The following METTL15 variants were observed in gnomAD, a reference collection of about 807,000 sequenced individuals.
METTL15 encodes the protein 12S rRNA N(4)-cytidine methyltransferase METTL15.
In METTL15, 34 loss-of-function variants were observed where a neutral mutation model predicts 38.3. That is an observed-to-expected ratio of 0.89 (90% CI 0.68 to 1.18). The LOEUF (loss-of-function observed/expected upper bound fraction) is 1.18, where lower values mean the gene tolerates loss of function less well. Ranked by LOEUF, METTL15 falls within the 50% of genes most tolerant of loss-of-function variation. METTL15 has a pLI of 0.00. For synonymous variants in METTL15, 162 were observed against 170.9 expected, an observed-to-expected ratio of 0.95 and a Z score of 0.41; for missense variants, 438 against 498.4, an observed-to-expected ratio of 0.88 and a Z score of 1.15.
At chr11:28,378,920 G>GT (rs1159168602) in intron 5 of METTL15, among the ~76,000 whole-genome samples, 1 of 151,818 alleles carries the variant, frequency 6.6e-6, no homozygotes, top group Non-Finnish European at 1.5e-5. Flanking sequence ...GTTTGGTGAG[G>GT]TTTCCTCTTT....
At chr11:28,343,517 T>C (rs180937699) in intron 3 of METTL15, among the ~76,000 whole-genome samples, 4 of 152,318 alleles carry the variant, frequency 2.6e-5, no homozygotes, top group African/African-American at 7.2e-5. Flanking sequence ...CTCAGCACTG[T>C]TTGGGCCTGG....
intron 5 of METTL15, among the ~76,000 whole-genome samples, chr11:28,389,552 G>C (rs1220704696): frequency 1.3e-5 from 2 of 151,848 alleles, no homozygotes; most frequent in African/African-American, 2.4e-5. Context: ...CCCTACAAAG[G>C]ACATGAACTC....
At chr11:28,145,671 T>C (rs1317391245) in intron 3 of METTL15, 2 of 152,062 alleles carry the variant, frequency 1.3e-5, no homozygotes, top group Non-Finnish European at 2.9e-5. Flanking sequence ...TTCAAAACTA[T>C]TTAAAATTTA....
At chr11:28,148,168 G>A (rs1849954378) in intron 3 of METTL15, among the ~76,000 whole-genome samples, 1 of 151,784 alleles carries the variant, frequency 6.6e-6, no homozygotes, top group Non-Finnish European at 1.5e-5. Flanking sequence ...AGCAAATTGT[G>A]ATATTTGAAA....
intron 6 of METTL15, among the ~76,000 whole-genome samples, chr11:28,508,127 A>G (rs1851644918): frequency 6.6e-6 from 1 of 150,688 alleles, no homozygotes; most frequent in South Asian, 2.1e-4. Context: ...CTTCAAACTT[A>G]TTTCCTGCTC....
At chr11:28,167,027 C>T (rs552533653) in intron 3 of METTL15, among the ~76,000 whole-genome samples, 17 of 152,216 alleles carry the variant, frequency 1.1e-4, no homozygotes, top group Non-Finnish European at 1.5e-4. Flanking sequence ...CTGACCTAAC[C>T]TTTTGATTGT....
At chr11:28,193,373 A>G (rs1291424952) in intron 3 of METTL15, among the ~76,000 whole-genome samples, 1 of 152,126 alleles carries the variant, frequency 6.6e-6, no homozygotes, top group Non-Finnish European at 1.5e-5. Flanking sequence ...AAGCAGGCAC[A>G]TCTTACATTG....
intron 6 of METTL15, among the ~76,000 whole-genome samples, chr11:28,516,135 A>G (rs978117443): frequency 1.3e-5 from 2 of 152,230 alleles, no homozygotes; most frequent in Non-Finnish European, 2.9e-5. Context: ...GATTTATTTC[A>G]TGCTTGTTAC....
chr11:28,424,186 A>G (rs187555297), intron 5 of METTL15: 1 of 152,258 alleles, frequency 6.6e-6, no homozygotes, highest in African/African-American at 2.4e-5. Flanking sequence ...ATTTTCTTAA[A>G]CTAGTCTTGC....
At chr11:28,113,724 T>C in intron 3 of METTL15, 120 bp downstream of exon 3, 1 of 1,003,768 alleles carries the variant, frequency 1.0e-6, no homozygotes, top group Non-Finnish European at 1.4e-6. Context: ...ATCCCAACTT[T>C]TGATGGTTGA....
At chr11:28,373,424 G>A (rs1175039342) in intron 5 of METTL15, among the ~76,000 whole-genome samples, 1 of 151,974 alleles carries the variant, frequency 6.6e-6, no homozygotes, top group Non-Finnish European at 1.5e-5. Context: ...GTCTTCTTTT[G>A]AGAAGTGTCT....
chr11:28,414,891 G>A (rs768631286), intron 5 of METTL15, among the ~76,000 whole-genome samples: 9 of 152,088 alleles, frequency 5.9e-5, no homozygotes, highest in East Asian at 5.8e-4. Flanking sequence ...TTCTTAATCC[G>A]AAAAATATGA....
chr11:28,275,459 A>G (rs1035357741), intron 4 of METTL15, among the ~76,000 whole-genome samples: 6 of 151,992 alleles, frequency 3.9e-5, no homozygotes, highest in African/African-American at 1.4e-4. Flanking sequence ...TGAGTCAGTA[A>G]TAAAAAGTTT....
chr11:28,340,219 A>C (rs750576898), intron 3 of METTL15, among the ~76,000 whole-genome samples: 1 of 152,122 alleles, frequency 6.6e-6, no homozygotes, highest in Non-Finnish European at 1.5e-5. Context: ...TTTGGTGACA[A>C]GGCATTTTTG....
chr11:28,310,340 A>G (rs925017764), intron 6 of METTL15, among the ~76,000 whole-genome samples: 2 of 148,296 alleles, frequency 1.3e-5, no homozygotes, highest in Non-Finnish European at 1.5e-5. Context: ...AATGGAGGAA[A>G]TGTTCAGAGG....
chr11:28,323,715 A>C (rs1017684302), intron 6 of METTL15, among the ~76,000 whole-genome samples: 2 of 152,206 alleles, frequency 1.3e-5, no homozygotes, highest in African/African-American at 4.8e-5. Flanking sequence ...AGAGCTGGTA[A>C]GAAGTGGTGG....
At chr11:28,452,166 G>C (rs1033579957) in intron 6 of METTL15, among the ~76,000 whole-genome samples, 1 of 152,180 alleles carries the variant, frequency 6.6e-6, no homozygotes, top group Admixed American at 6.5e-5. Context: ...AACATTTTGT[G>C]GAGAGAGCCG....
chr11:28,292,969 G>A (rs1167359018), intron 5 of METTL15, among the ~76,000 whole-genome samples: 1 of 152,134 alleles, frequency 6.6e-6, no homozygotes, highest in Non-Finnish European at 1.5e-5. Flanking sequence ...TTTGTCAGAT[G>A]AGTAGGTTGC....
In METTL15 at chr11:28,290,643, T is replaced by A. The variant is rs974175998; in HGVS notation, c.599+246T>A. The stretch of plus-strand genomic sequence containing the variant: ...TGAAGAGGATAACTTTCATACTGAT[T>A]ATCTTTTTTACTTACACAATATGGG... On this transcript the variant is annotated intron_variant, in intron 5 of 6. Coordinates refer to ENST00000407364, the MANE Select transcript of METTL15 (RefSeq NM_001113528.2). Among the ~76,000 whole-genome samples the A allele has an allele frequency of 8.5e-5, 13 of 152,144 alleles. No individual in the cohort carries two copies. The South Asian group carries it at 1.0e-3, about 12-fold the overall frequency.
Sources: allele counts gnomAD v4.1 joint callset (sites outside exome capture counted in the v4.1 genomes callset), GRCh38; gene constraint gnomAD v4.1.1; transcripts MANE v1.5; gene names NCBI Gene and HGNC (gene_info 2026-07-23, HGNC 2026-07-21).